The following RGS6 variants were observed in gnomAD, a reference collection of about 807,000 sequenced individuals.
RGS6 encodes regulator of G protein signaling 6.
A neutral mutation model predicts 78.5 loss-of-function variants in RGS6; 30 were observed. That is an observed-to-expected ratio of 0.38 (90% confidence interval 0.29 to 0.52). The LOEUF is 0.52. RGS6 is among the 20% of genes least tolerant of loss of function. The pLI is 0.85. For synonymous variants in RGS6, 206 were observed against 206.0 expected (o/e 1.00, Z 0.00); for missense variants, 495 against 609.7 (o/e 0.81, Z 1.98).
intron 3 of RGS6, among the ~76,000 whole-genome samples, chr14:72,449,348 G>C (rs532762381): frequency 6.6e-6 from 1 of 152,302 alleles, no homozygotes; most frequent in Non-Finnish European, 1.5e-5. Context: ...GCAGGTGATG[G>C]GAACCAGTCT....
intron 2 of RGS6, among the ~76,000 whole-genome samples, chr14:72,140,310 A>C (rs1428444694): frequency 6.6e-6 from 1 of 152,186 alleles, no homozygotes; most frequent in East Asian, 1.9e-4. Flanking sequence ...TTATTCACAA[A>C]GTCTTTATAT....
chr14:72,610,822 T>A, the RGS6 span, among the ~76,000 whole-genome samples: 1 of 152,164 alleles, frequency 6.6e-6, no homozygotes, highest in Non-Finnish European at 1.5e-5. Flanking sequence ...ACTGGCTGCC[T>A]GGGGGAAGTG....
the RGS6 span, among the ~76,000 whole-genome samples, chr14:72,588,338 T>C: frequency 1.3e-5 from 2 of 152,162 alleles, no homozygotes; most frequent in African/African-American, 4.8e-5. Flanking sequence ...TGGGAGGGAC[T>C]GTCACTCCTG....
At chr14:72,599,861 C>A in the RGS6 span, among the ~76,000 whole-genome samples, 18 of 152,146 alleles carry the variant, frequency 1.2e-4, no homozygotes, top group African/African-American at 4.1e-4. Flanking sequence ...CTCACACAGG[C>A]CTCGGGTTCA....
chr14:72,149,726 T>C (rs917346680), intron 2 of RGS6, among the ~76,000 whole-genome samples: 3 of 152,208 alleles, frequency 2.0e-5, no homozygotes, highest in Admixed American at 2.0e-4. Flanking sequence ...TACTTGCTGA[T>C]AAAATAATTC....
At chr14:71,886,588 C>T in the RGS6 span, among the ~76,000 whole-genome samples, 1 of 152,212 alleles carries the variant, frequency 6.6e-6, no homozygotes, top group African/African-American at 2.4e-5. Context: ...ACCAACATAG[C>T]TCCCACCTTT....
At chr14:72,173,146 T>C (rs1433993331) in intron 2 of RGS6, among the ~76,000 whole-genome samples, 2 of 152,048 alleles carry the variant, frequency 1.3e-5, no homozygotes, top group Non-Finnish European at 2.9e-5. Context: ...CCTTTCCTGC[T>C]GGGGATTTTG....
At chr14:72,166,611 G>A (rs1265042032) in intron 2 of RGS6, among the ~76,000 whole-genome samples, 2 of 152,322 alleles carry the variant, frequency 1.3e-5, no homozygotes, top group South Asian at 2.1e-4. Context: ...CAAGGATGGA[G>A]GGAGGTTTGA....
At chr14:72,575,507 T>A in the RGS6 span, among the ~76,000 whole-genome samples, 34 of 152,148 alleles carry the variant, frequency 2.2e-4, no homozygotes, top group Non-Finnish European at 4.6e-4. Flanking sequence ...AGTTCATAGG[T>A]TGGTAGCCTG....
chr14:71,887,953 C>T, the RGS6 span, among the ~76,000 whole-genome samples: 5 of 152,160 alleles, frequency 3.3e-5, no homozygotes, highest in East Asian at 5.8e-4. Context: ...TTTTGAAACC[C>T]TTAATAAAAA....
chr14:72,458,606 C>T (rs564302655), intron 5 of RGS6, among the ~76,000 whole-genome samples: 1 of 152,186 alleles, frequency 6.6e-6, no homozygotes, highest in Non-Finnish European at 1.5e-5. Context: ...GCCTTAGTCC[C>T]TTGGGCTGCT....
chr14:71,942,569 A>G (rs2090785003), intron 1 of RGS6, among the ~76,000 whole-genome samples: 2 of 152,128 alleles, frequency 1.3e-5, no homozygotes, highest in Admixed American at 6.5e-5. Flanking sequence ...AAATCCACAA[A>G]GTGAAGTAGC....
intron 3 of RGS6, among the ~76,000 whole-genome samples, chr14:72,450,984 G>A (rs1485419677): frequency 2.0e-5 from 3 of 152,176 alleles, no homozygotes; most frequent in Admixed American, 6.5e-5. Context: ...TCCCTGCCAC[G>A]GGCTGGAGGC....
intron 2 of RGS6, among the ~76,000 whole-genome samples, chr14:72,083,751 G>A (rs904382338): frequency 1.3e-5 from 2 of 152,166 alleles, no homozygotes; most frequent in Non-Finnish European, 2.9e-5. Flanking sequence ...TAATGAATTT[G>A]AGAAGGTATT....
intron 2 of RGS6, among the ~76,000 whole-genome samples, chr14:72,324,203 T>C (rs2073037343): frequency 6.6e-6 from 1 of 152,190 alleles, no homozygotes; most frequent in Non-Finnish European, 1.5e-5. Flanking sequence ...CCAAACTACA[T>C]ATGACAAATT....
At chr14:71,968,635 T>C (rs967887846) in intron 2 of RGS6, among the ~76,000 whole-genome samples, 17 of 152,184 alleles carry the variant, frequency 1.1e-4, no homozygotes, top group Non-Finnish European at 2.5e-4. Flanking sequence ...CCAGGGAGCC[T>C]GGCCACTCCA....
At chr14:71,938,027 C>A (rs981425039) in intron 1 of RGS6, among the ~76,000 whole-genome samples, 1 of 152,200 alleles carries the variant, frequency 6.6e-6, no homozygotes, top group Non-Finnish European at 1.5e-5. Flanking sequence ...GCCACCATGG[C>A]CACTTTGTTC....
intron 3 of RGS6, among the ~76,000 whole-genome samples, chr14:72,415,928 T>A (rs10136369): frequency 0.21 from 31,954 of 152,002 alleles, 4,824 homozygotes; most frequent in African/African-American, 0.43. Flanking sequence ...GGCGGGCAGA[T>A]CATGAGGTCA....
chr14:72,232,975 C>T (rs996571005), intron 2 of RGS6, among the ~76,000 whole-genome samples: 7 of 152,116 alleles, frequency 4.6e-5, no homozygotes, highest in Non-Finnish European at 8.8e-5. Context: ...GGAGCGTTGT[C>T]TGAGGGGATG....
Sources: gnomAD v4.1 joint callset for allele counts (sites outside exome capture counted in the v4.1 genomes callset) on GRCh38, gnomAD v4.1.1 for gene constraint, MANE v1.5 for transcripts, NCBI Gene and HGNC (gene_info 2026-07-23, HGNC 2026-07-21) for gene names.